Variants in TBC1D2 observed in about 807,000 individuals in gnomAD.
TBC1D2 encodes TBC1 domain family member 2.
In TBC1D2, 58 loss-of-function variants were observed where a neutral mutation model predicts 91.1. The observed-to-expected ratio is 0.64, with a 90% CI of 0.52 to 0.79. The LOEUF (loss-of-function observed/expected upper bound fraction) is 0.79, where lower values mean the gene tolerates loss of function less well. Among genes scored for constraint, TBC1D2 ranks in the 30% least tolerant of loss-of-function variants. TBC1D2 has a pLI of 0.00. For missense variants in TBC1D2, 1,080 were observed against 1,208.3 expected (o/e 0.89, Z 1.57); for synonymous variants, 482 against 511.5 (o/e 0.94, Z 0.78).
chr9:98,203,412 G>T lies in TBC1D2; in HGVS notation c.2151-4C>A. On this transcript the variant is annotated splice_polypyrimidine_tract_variant and splice_region_variant and intron_variant, in intron 9 of 12. Transcript: ENST00000465784. ...CAGCAGGGCAATGGCCGCCAGCCTG[G>T]AGTAGTAGGGAAGGCCTGGAGTGAT... 1.2e-6 allele frequency: 2 copies of T among 1,614,044 alleles called. No homozygotes were observed. Among genetic ancestry groups the T allele is most frequent in the East Asian group, 2.2e-5 (1 of 44,880 alleles).
chr9:98,215,200 TG>T (rs1828941272), intron 6 of TBC1D2, among the ~76,000 whole-genome samples: 1 of 152,218 alleles, frequency 6.6e-6, no homozygotes, highest in African/African-American at 2.4e-5. Flanking sequence ...AAATCTTGTT[TG>T]TGGCACAGGG....
Position 98,244,123 on chromosome 9 carries a change from T to G in TBC1D2, c.518A>C (p.Glu173Ala). ...GPVLHLELGQ[E>A]EAELEEFLCP... ...CAGGAACTCCTCCAGCTCTGCCTCT[T>G]CTTGCCCTGGGAACAAAGAAAAGGG... is the stretch of plus-strand genomic sequence containing the variant. Residue 173 changes from glutamate to alanine, a missense_variant, in exon 3 of 13, where the codon GAA (glutamate) becomes GCA (alanine). Physicochemically the swap from Glu to Ala is moderately radical, Grantham distance 107 (BLOSUM62 -1). Transcript: ENST00000465784. 6.2e-7 allele frequency: 1 copy of G among 1,613,224 alleles called. No homozygotes were observed. The highest frequency in any genetic ancestry group is 2.2e-5 in the East Asian group (1 of 44,862).
chr9:98,210,517 C>T lies in TBC1D2; in HGVS notation c.1673+139G>A, dbSNP rs951706537. 5.3e-5 allele frequency: 44 copies of T among 823,418 alleles called. No homozygotes were observed. In the South Asian group the frequency reaches 5.6e-4, roughly 11 times the overall value. The allele number at this position is 823,418 out of a possible 1,614,324, so 51.0% of individuals were successfully genotyped here. ...GAGCGTGAACCATCTCAGCTGCAGCCGCACACTAATGCATGTGAAGATCAG... is the reference window on the plus strand; with the variant it reads ...GAGCGTGAACCATCTCAGCTGCAGCTGCACACTAATGCATGTGAAGATCAG... On this transcript the variant is annotated intron_variant, in intron 8 of 12. Transcript: ENST00000465784.
chr9:98,210,528 G>GC, intron 8 of TBC1D2, 128 bp downstream of exon 8: 1 of 888,854 alleles, frequency 1.1e-6, no homozygotes, highest in African/African-American at 1.7e-5. Context: ...GCACACTAAT[G>GC]CATGTGAAGA....
At chr9:98,252,073 G>T in intron 1 of TBC1D2, 147 bp from the exon 2 acceptor site, 1 of 1,034,354 alleles carries the variant, frequency 9.7e-7, no homozygotes, top group Non-Finnish European at 1.3e-6. Flanking sequence ...TATGCTTCCT[G>T]GCCACAGAAG....
chr9:98,208,574 AG>A, intron 9 of TBC1D2, 93 bp downstream of exon 9: 1 of 1,320,578 alleles, frequency 7.6e-7, no homozygotes, highest in Non-Finnish European at 1.0e-6. Flanking sequence ...GCCCCTTAAC[AG>A]GCCACAGATG....
At chr9:98,206,373 G>A (rs911481628) in intron 9 of TBC1D2, among the ~76,000 whole-genome samples, 3 of 152,160 alleles carry the variant, frequency 2.0e-5, no homozygotes, top group Non-Finnish European at 2.9e-5. Flanking sequence ...TAGAAAACCC[G>A]TCTGGGGACC....
intron 5 of TBC1D2, among the ~76,000 whole-genome samples, chr9:98,226,094 G>C (rs1430165240): frequency 6.6e-6 from 1 of 152,224 alleles, no homozygotes; most frequent in African/African-American, 2.4e-5. Flanking sequence ...GGCATTCTGA[G>C]TGCCTGGGGG....
At chr9:98,240,857 T>C (rs1381881115) in intron 3 of TBC1D2, among the ~76,000 whole-genome samples, 1 of 152,200 alleles carries the variant, frequency 6.6e-6, no homozygotes, top group Non-Finnish European at 1.5e-5. Context: ...CTGTTTCCAT[T>C]TCATAAATTT....
intron 3 of TBC1D2, among the ~76,000 whole-genome samples, chr9:98,235,890 C>T (rs1332474216): frequency 6.6e-6 from 1 of 151,896 alleles, no homozygotes; most frequent in African/African-American, 2.4e-5. Context: ...AAAAAATTAG[C>T]CATGTGTGGT....
At chr9:98,206,022 C>G (rs1828645003) in intron 9 of TBC1D2, among the ~76,000 whole-genome samples, 1 of 151,956 alleles carries the variant, frequency 6.6e-6, no homozygotes, top group South Asian at 2.1e-4. Flanking sequence ...TGGAGTCTTG[C>G]TCTGTCACCA....
chr9:98,206,178 G>A (rs751164131), intron 9 of TBC1D2, among the ~76,000 whole-genome samples: 17 of 150,994 alleles, frequency 1.1e-4, no homozygotes, highest in Non-Finnish European at 7.4e-5. Context: ...GGATGGTCTC[G>A]ATCTTTTGAC....
intron 9 of TBC1D2, among the ~76,000 whole-genome samples, chr9:98,208,199 A>T (rs1192102453): frequency 6.6e-6 from 1 of 152,086 alleles, no homozygotes; most frequent in African/African-American, 2.4e-5. Context: ...TCTGTCTTGA[A>T]CATGTCCTCT....
intron 6 of TBC1D2, among the ~76,000 whole-genome samples, chr9:98,218,004 C>T (rs536470130): frequency 9.2e-5 from 14 of 152,226 alleles, no homozygotes; most frequent in Admixed American, 9.2e-4. Flanking sequence ...GCACGTGCTA[C>T]TGTGCCTGGC....
Position 98,238,731 on chromosome 9 carries a change from TTTTTTTG to T in TBC1D2, c.648-5189_648-5183del, listed in dbSNP as rs1053772269. ...GCTGGGGAAGTTTCGTTCTACTTGT[TTTTTTTG>T]TTTTTTGTTTTTTGTTTTCTGAGAC... On this transcript the variant is annotated intron_variant, in intron 3 of 12. Transcript: ENST00000465784. 6.6e-5 allele frequency among the ~76,000 whole-genome samples: 9 copies of T among 136,630 alleles called. 1 individual carries two copies. Among genetic ancestry groups the T allele is most frequent in the South Asian group, 2.1e-4 (1 of 4,772 alleles). 89.6% of individuals were successfully genotyped at this position (136,630 alleles called of 152,430 possible).
chr9:98,235,730 T>C (rs940633274), intron 3 of TBC1D2, among the ~76,000 whole-genome samples: 4 of 151,828 alleles, frequency 2.6e-5, no homozygotes, highest in African/African-American at 7.3e-5. Context: ...TCCCTAATCC[T>C]TCATAAGAAT....
rs754043681 is a variant in TBC1D2 at position 98,213,104 on chromosome 9, G to C, written c.1485+4C>G. On this transcript the variant is annotated splice_donor_region_variant and intron_variant, in intron 7 of 12. Transcript: ENST00000465784. The stretch of plus-strand genomic sequence containing the variant: ...GACGGCTGGAATAGGGCCCCACCCC[G>C]CACCTTCGTCAGAAGGGCCTTCTCC... 5 of 1,613,894 alleles carry C rather than the reference G, an allele frequency of 3.1e-6. No homozygotes were observed. The South Asian group carries it at 5.5e-5, about 18-fold the overall frequency.
intron 6 of TBC1D2, among the ~76,000 whole-genome samples, chr9:98,218,922 G>A (rs552620845): frequency 1.3e-5 from 2 of 152,348 alleles, no homozygotes; most frequent in South Asian, 2.1e-4. Context: ...GAGAGAAGAG[G>A]AAGCCGCCTG....
intron 3 of TBC1D2, among the ~76,000 whole-genome samples, chr9:98,239,005 G>A (rs1318231360): frequency 1.3e-5 from 2 of 152,220 alleles, no homozygotes; most frequent in East Asian, 3.9e-4. Flanking sequence ...TTGCAGGCAT[G>A]AGCCACTGTG....
Sources: gnomAD v4.1 joint callset for allele counts (sites outside exome capture counted in the v4.1 genomes callset) on GRCh38, gnomAD v4.1.1 for gene constraint, MANE v1.5 for transcripts, NCBI Gene and HGNC (gene_info 2026-07-23, HGNC 2026-07-21) for gene names.